The following MYT1L variants were observed in gnomAD, a reference collection of about 807,000 sequenced individuals.
MYT1L encodes the protein myelin transcription factor 1-like protein.
Under a neutral mutation model 126.7 loss-of-function variants are expected in MYT1L, and 12 were observed. The ratio of observed to expected loss-of-function variants is 0.09; its 90% CI spans 0.06 to 0.15. MYT1L has a LOEUF of 0.15. Ranked by LOEUF, MYT1L falls within the 10% of genes least tolerant of loss-of-function variation. The probability of loss-of-function intolerance (pLI) is 1.00; values close to 1 mark genes in which losing one functional copy is unlikely to be tolerated. For synonymous variants in MYT1L, 541 were observed against 604.2 expected, an observed-to-expected ratio of 0.90 and a Z score of 1.53; for missense variants, 979 against 1,585.2, an observed-to-expected ratio of 0.62 and a Z score of 6.49.
chr2:2,178,687 A>G (rs2091094204), intron 2 of MYT1L, among the ~76,000 whole-genome samples: 1 of 152,200 alleles, frequency 6.6e-6, no homozygotes, highest in Non-Finnish European at 1.5e-5. Flanking sequence ...CACACTTGGT[A>G]GAATGGCTTT....
chr2:1,945,713 G>A lies in MYT1L; in HGVS notation c.153-2379C>T, dbSNP rs78783480. Among the ~76,000 whole-genome samples, 666 of 152,204 alleles carry A rather than the reference G, an allele frequency of 4.4e-3. 3 individuals carry two copies. Among genetic ancestry groups the A allele is most frequent in the Non-Finnish European group, 8.0e-3 (542 of 68,012 alleles). ...TAGTACTGAATCTGGCACCTGCTAGGTACTCCATGAATGATAGGAACTGCT... is the reference window on the plus strand; with the variant it reads ...TAGTACTGAATCTGGCACCTGCTAGATACTCCATGAATGATAGGAACTGCT... On this transcript the variant is annotated intron_variant, in intron 8 of 24. Coordinates refer to ENST00000647738, the MANE Select transcript of MYT1L (RefSeq NM_001303052.2).
At chr2:1,821,608 T>A (rs1394383351) in intron 21 of MYT1L, among the ~76,000 whole-genome samples, 2 of 152,226 alleles carry the variant, frequency 1.3e-5, no homozygotes, top group African/African-American at 4.8e-5. Context: ...GTTTGCTTGG[T>A]TTCTGCCATG....
At chr2:2,103,483 G>A (rs2078357002) in intron 3 of MYT1L, among the ~76,000 whole-genome samples, 1 of 152,246 alleles carries the variant, frequency 6.6e-6, no homozygotes, top group Non-Finnish European at 1.5e-5. Context: ...GGGCAGAATG[G>A]AGGCGGCCAT....
chr2:2,316,195 G>A (rs2096061909), intron 1 of MYT1L, among the ~76,000 whole-genome samples: 1 of 152,124 alleles, frequency 6.6e-6, no homozygotes, highest in Non-Finnish European at 1.5e-5. Context: ...TTTTCCCACT[G>A]TGGGCCTGAT....
At chr2:2,049,352 G>T (rs567256833) in intron 4 of MYT1L, among the ~76,000 whole-genome samples, 1 of 152,192 alleles carries the variant, frequency 6.6e-6, no homozygotes, top group East Asian at 1.9e-4. Flanking sequence ...TTATCAGAGA[G>T]ACACAAGAAT....
chr2:2,106,318 A>C (rs2078754057), intron 3 of MYT1L, among the ~76,000 whole-genome samples: 1 of 152,232 alleles, frequency 6.6e-6, no homozygotes, highest in Non-Finnish European at 1.5e-5. Context: ...GGCCCTGATT[A>C]AAATGAAATT....
chr2:2,088,840 A>T (rs970281080), intron 3 of MYT1L, among the ~76,000 whole-genome samples: 3 of 152,214 alleles, frequency 2.0e-5, no homozygotes, highest in African/African-American at 7.2e-5. Flanking sequence ...AAAAGCATAG[A>T]GCCTGTCTCA....
At chr2:2,105,993 G>A (rs2078707017) in intron 3 of MYT1L, among the ~76,000 whole-genome samples, 2 of 152,234 alleles carry the variant, frequency 1.3e-5, no homozygotes, top group Non-Finnish European at 2.9e-5. Flanking sequence ...TAAAGCACGT[G>A]CTGGTTGAAA....
chr2:1,947,739 A>G (rs1573868583), intron 8 of MYT1L, among the ~76,000 whole-genome samples: 3 of 152,248 alleles, frequency 2.0e-5, no homozygotes, highest in African/African-American at 7.2e-5. Context: ...TAGAAAAAAA[A>G]TAGTTGATCA....
chr2:1,836,044 G>C (rs907856762), intron 21 of MYT1L, among the ~76,000 whole-genome samples: 1 of 152,146 alleles, frequency 6.6e-6, no homozygotes, highest in Non-Finnish European at 1.5e-5. Flanking sequence ...GATCCTGAAA[G>C]AGGAGGCTGC....
chr2:1,897,776 G>T (rs998015874), intron 14 of MYT1L, among the ~76,000 whole-genome samples: 3 of 152,034 alleles, frequency 2.0e-5, no homozygotes, highest in African/African-American at 7.2e-5. Flanking sequence ...GCTATTTTTT[G>T]ATCAAATTTT....
At chr2:1,862,834 C>T (rs1186415062) in intron 18 of MYT1L, among the ~76,000 whole-genome samples, 1 of 151,948 alleles carries the variant, frequency 6.6e-6, no homozygotes, top group East Asian at 1.9e-4. Context: ...CGAGAATTGG[C>T]TGAGTGGACA....
At chr2:2,062,898 A>G (rs1344751423) in intron 3 of MYT1L, among the ~76,000 whole-genome samples, 2 of 151,526 alleles carry the variant, frequency 1.3e-5, no homozygotes, top group East Asian at 3.9e-4. Context: ...ATCATGTGAC[A>G]TATCCTTCAG....
In MYT1L at chr2:1,875,545, C is replaced by A. The variant is rs536139943; in HGVS notation, c.2711+10994G>T. ...TGTGTCCCATCCTTCCTGTTCAAGG[C>A]AAAATCAAAGCAGTTCTCTGAGGAG... On this transcript the variant is annotated intron_variant, in intron 18 of 24. Transcript: ENST00000647738. Among the ~76,000 whole-genome samples the A allele has an allele frequency of 1.6e-4, 24 of 152,338 alleles. No homozygotes were observed. The South Asian group carries it at 4.8e-3, about 30-fold the overall frequency.
intron 2 of MYT1L, among the ~76,000 whole-genome samples, chr2:2,248,445 C>T (rs1340952554): frequency 6.6e-6 from 1 of 151,978 alleles, no homozygotes; most frequent in East Asian, 1.9e-4. Context: ...TTCTACCAAG[C>T]ATTTAAAGAA....
At position 2,278,368 on chromosome 2, in the gene MYT1L, A is replaced by AT. The variant is rs1357302011; in HGVS notation, c.-421+6035dup. Among the ~76,000 whole-genome samples the AT allele has an allele frequency of 1.1e-3, 166 of 152,186 alleles. 4 individuals are homozygous for AT. Among genetic ancestry groups the AT allele is most frequent in the Admixed American group, 0.011 (165 of 15,264 alleles). ...TATTTCCTGCCAGTCTGGTTTAGGG[A>AT]TCCCTCCTCTGTCACTGTTATGCAA... is the stretch of plus-strand genomic sequence containing the variant. On this transcript the variant is annotated intron_variant, in intron 2 of 24. Transcript: ENST00000647738.
At chr2:1,924,379 G>A (rs1400772432) in intron 9 of MYT1L, among the ~76,000 whole-genome samples, 2 of 152,108 alleles carry the variant, frequency 1.3e-5, no homozygotes, top group African/African-American at 4.8e-5. Flanking sequence ...TTGGTTAACT[G>A]CATGCCATTT....
At chr2:1,921,793 G>A (rs1007540343) in intron 10 of MYT1L, among the ~76,000 whole-genome samples, 1 of 152,090 alleles carries the variant, frequency 6.6e-6, no homozygotes, top group Non-Finnish European at 1.5e-5. Context: ...TCTATCAGGG[G>A]TGTTTTCTAC....
intron 4 of MYT1L, among the ~76,000 whole-genome samples, chr2:2,036,539 T>C (rs1462111289): frequency 1.3e-5 from 2 of 152,222 alleles, no homozygotes; most frequent in Admixed American, 1.3e-4. Flanking sequence ...TTCCAGGCAA[T>C]AGAATCCCAT....
Sources: allele counts gnomAD v4.1 joint callset (sites outside exome capture counted in the v4.1 genomes callset), GRCh38; gene constraint gnomAD v4.1.1; transcripts MANE v1.5; gene names NCBI Gene and HGNC (gene_info 2026-07-23, HGNC 2026-07-21).